LRRFIP2: variants seen among roughly 807,000 people sequenced by gnomAD.
LRRFIP2 encodes LRR binding FLII interacting protein 2, also known as leucine-rich repeat flightless-interacting protein 2.
Under a neutral mutation model 125.9 loss-of-function variants are expected in LRRFIP2, and 109 were observed. That is an observed-to-expected ratio of 0.87 (90% CI 0.74 to 1.01). The LOEUF (loss-of-function observed/expected upper bound fraction) is 1.01. LRRFIP2 is among the 50% of genes least tolerant of loss of function. LRRFIP2 has a pLI of 0.00. For missense variants in LRRFIP2, 850 were observed against 862.3 expected (o/e 0.99, Z 0.18); for synonymous variants, 291 against 293.1 (o/e 0.99, Z 0.07).
At chr3:37,165,406 A>G (rs887489277) in intron 1 of LRRFIP2, among the ~76,000 whole-genome samples, 3 of 113,644 alleles carry the variant, frequency 2.6e-5, no homozygotes, top group African/African-American at 1.1e-4. Flanking sequence ...TGCTTTCCAC[A>G]AAACTGAATC....
chr3:37,161,980 C>T (rs201849585), intron 1 of LRRFIP2, among the ~76,000 whole-genome samples: 1 of 151,398 alleles, frequency 6.6e-6, no homozygotes, highest in Non-Finnish European at 1.5e-5. Flanking sequence ...CTCAGGAGTT[C>T]GAGCCTGGAC....
intron 24 of LRRFIP2, among the ~76,000 whole-genome samples, chr3:37,062,127 G>A (rs1221257354): frequency 6.6e-6 from 1 of 152,114 alleles, no homozygotes; most frequent in Non-Finnish European, 1.5e-5. Flanking sequence ...GTAAAATCTA[G>A]CTCTCTACCC....
At chr3:37,107,597 A>G (rs976159085) in intron 13 of LRRFIP2, among the ~76,000 whole-genome samples, 1 of 152,182 alleles carries the variant, frequency 6.6e-6, no homozygotes, top group Non-Finnish European at 1.5e-5. Context: ...CTCTAGAAAG[A>G]TTAGGTAATT....
chr3:37,115,094 T>G lies in LRRFIP2; in HGVS notation c.332A>C (p.Tyr111Ser), dbSNP rs751724195. The G allele has an allele frequency of 6.3e-7, 1 of 1,591,932 alleles. No homozygotes were observed. The highest frequency in any genetic ancestry group is 8.6e-7 in the Non-Finnish European group (1 of 1,165,170). Residue 111 changes from tyrosine to serine, a missense_variant and splice_region_variant, in exon 7 of 28, where the codon TAT (tyrosine) becomes TCT (serine). Physicochemically the swap from Tyr to Ser is moderately radical, Grantham distance 144. Transcript: ENST00000336686. ...LSIRSVGSHR[Y>S]DMFKDRSSRL... ...TGATGATCTATCCTTGAACATATCA[T>G]ACTGGGTTTCAGCAAAACATGAAAG...
rs563439953 is a variant in LRRFIP2 at position 37,060,599 on chromosome 3, G to A, written c.1750-1689C>T. Among the ~76,000 whole-genome samples, 3 of 151,444 alleles carry A rather than the reference G, an allele frequency of 2.0e-5. No individual in the cohort carries two copies. The highest frequency in any genetic ancestry group is 7.3e-5 in the African/African-American group (3 of 41,298). On this transcript the variant is annotated intron_variant, in intron 24 of 27. Transcript: ENST00000336686. This position sits in a 1 kb window ranked among gnomAD's most constrained non-coding sequence, Gnocchi z 4.1. The stretch of plus-strand genomic sequence containing the variant: ...ATTACAGACATGAGCCACCATGCCC[G>A]GCCCTTTTTTTTTTTGTACTTCCAC...
chr3:37,059,385 G>A (rs1366585160), intron 24 of LRRFIP2, among the ~76,000 whole-genome samples: 1 of 152,180 alleles, frequency 6.6e-6, no homozygotes, highest in Admixed American at 6.5e-5. Context: ...TTAACTGATA[G>A]GGTATATTCA....
chr3:37,136,784 G>A (rs889902808), intron 2 of LRRFIP2, among the ~76,000 whole-genome samples: 8 of 151,948 alleles, frequency 5.3e-5, no homozygotes, highest in Non-Finnish European at 1.0e-4. Flanking sequence ...TAATATATCA[G>A]GATCCAATTA....
chr3:37,105,348 T>C, intron 14 of LRRFIP2, 107 bp downstream of exon 14: 1 of 891,330 alleles, frequency 1.1e-6, no homozygotes, highest in South Asian at 1.5e-5. Flanking sequence ...TTGAGGAAAA[T>C]GCTCTTTTTG....
chr3:37,071,905 CATGG>C (rs1559706408), intron 21 of LRRFIP2, among the ~76,000 whole-genome samples: 1 of 152,120 alleles, frequency 6.6e-6, no homozygotes, highest in African/African-American at 2.4e-5. Flanking sequence ...TTTTGGTGTA[CATGG>C]AATCTACCTG....
In LRRFIP2 at chr3:37,063,696, G is replaced by T. The variant is rs769413845; in HGVS notation, c.1749+46C>A. On this transcript the variant is annotated intron_variant, in intron 24 of 27. Transcript: ENST00000336686. Reference sequence around the variant, plus strand: ...TTTCAATTAGCCAGTATTTTACCATGTAACTTTGTTAAAATTATATTACAC... The same window carrying T: ...TTTCAATTAGCCAGTATTTTACCATTTAACTTTGTTAAAATTATATTACAC... 3.6e-6 allele frequency: 5 copies of T among 1,380,974 alleles called. No individual in the cohort carries two copies. The Admixed American group carries it at 6.8e-5, about 19-fold the overall frequency. The allele number at this position is 1,380,974 out of a possible 1,614,324, so 85.5% of individuals were successfully genotyped here. A position where few individuals can be genotyped will look rare whatever the true frequency, so the allele number is the denominator to read the frequency against.
chr3:37,078,336 A>G lies in LRRFIP2; in HGVS notation c.1279-3220T>C, dbSNP rs1349532540. 2.6e-5 allele frequency among the ~76,000 whole-genome samples: 4 copies of G among 152,204 alleles called. No homozygotes were observed. In the South Asian group the frequency reaches 8.3e-4, roughly 31 times the overall value. On this transcript the variant is annotated intron_variant, in intron 19 of 27. Coordinates refer to ENST00000336686, the MANE Select transcript of LRRFIP2 (RefSeq NM_006309.4). ...AGACTAGTGGCAAAAATAACAGCCAAGCAAAACAAACAAAATAAAAATCTT... is the reference window on the plus strand; with the variant it reads ...AGACTAGTGGCAAAAATAACAGCCAGGCAAAACAAACAAAATAAAAATCTT...
intron 2 of LRRFIP2, among the ~76,000 whole-genome samples, chr3:37,131,543 T>C (rs2095428249): frequency 6.6e-6 from 1 of 152,248 alleles, no homozygotes; most frequent in Non-Finnish European, 1.5e-5. Context: ...GTCTGCTTTC[T>C]ATATGGTAGT....
At chr3:37,117,949 A>G (rs1009332964) in intron 6 of LRRFIP2, among the ~76,000 whole-genome samples, 1 of 152,218 alleles carries the variant, frequency 6.6e-6, no homozygotes, top group Non-Finnish European at 1.5e-5. Context: ...TAAAACACAA[A>G]ATTGTAAGTA....
chr3:37,058,886 C>G lies in LRRFIP2; in HGVS notation c.1774G>C (p.Glu592Gln). 3.1e-6 allele frequency: 5 copies of G among 1,613,976 alleles called. No homozygotes were observed. The highest frequency in any genetic ancestry group is 4.2e-6 in the Non-Finnish European group (5 of 1,179,920). Residue 592 changes from glutamate to glutamine, a missense_variant, in exon 25 of 28, where the codon GAG (glutamate) becomes CAG (glutamine). Physicochemically the swap from Glu to Gln is conservative, Grantham distance 29. Transcript: ENST00000336686. ...SQIRKLKLQL[E>Q]EERQKCSRND... ...CTGGAGCATTTCTGTCGTTCCTCCT[C>G]TAACTGAAGCTTCAGTTTTCTAATC...
chr3:37,054,758 CA>C (rs1166809913), intron 26 of LRRFIP2, among the ~76,000 whole-genome samples: 2 of 152,262 alleles, frequency 1.3e-5, no homozygotes, highest in East Asian at 3.9e-4. Context: ...TTATTATGAC[CA>C]TATTGTTTAA....
At chr3:37,120,046 T>C (rs1315580119) in intron 6 of LRRFIP2, among the ~76,000 whole-genome samples, 4 of 151,998 alleles carry the variant, frequency 2.6e-5, no homozygotes, top group African/African-American at 7.2e-5. Context: ...ATTTTTCTAC[T>C]GTAAAATCAT....
At position 37,091,487 on chromosome 3, in the gene LRRFIP2, G is replaced by A. The variant is rs748903305; in HGVS notation, c.1087C>T (p.Gln363Ter). The A allele has an allele frequency of 6.2e-7, 1 of 1,612,024 alleles. No individual in the cohort carries two copies. Among genetic ancestry groups the A allele is most frequent in the Non-Finnish European group, 8.5e-7 (1 of 1,178,980 alleles). ...GATACCTTTAGTTCTTTAAGCCCCT[G>A]CATGTATCTCCCTTCTACATCCTGT... Reference protein sequence around the residue: ...QIQDVEGRYMQGLKELKESLS... With the variant: ...QIQDVEGRYM Residue 363 changes from glutamine to a stop codon, truncating the protein, a stop_gained, in exon 18 of 28, where the codon CAG (glutamine) becomes TAG (stop). Transcript: ENST00000336686. LOFTEE classifies it high-confidence loss of function.
At chr3:37,136,973 T>TG (rs536855501) in intron 2 of LRRFIP2, among the ~76,000 whole-genome samples, 1,889 of 78,638 alleles carry the variant, frequency 0.024, 13 homozygotes, top group East Asian at 0.037. Flanking sequence ...GGTGGGGGGG[T>TG]GGGGGGGGGG....
chr3:37,158,261 AAAAG>A (rs2096250570), intron 1 of LRRFIP2, among the ~76,000 whole-genome samples: 2 of 152,228 alleles, frequency 1.3e-5, no homozygotes, highest in African/African-American at 4.8e-5. Flanking sequence ...ATCAGAGTAT[AAAAG>A]AAAGGGAGAC....
Sources: allele counts gnomAD v4.1 joint callset (sites outside exome capture counted in the v4.1 genomes callset), GRCh38; gene constraint gnomAD v4.1.1; non-coding constraint Gnocchi (gnomAD v3.1); transcripts MANE v1.5; gene names NCBI Gene and HGNC (gene_info 2026-07-23, HGNC 2026-07-21).